Variants in PIEZO2 observed in about 807,000 individuals in gnomAD.
PIEZO2 encodes piezo type mechanosensitive ion channel component 2.
Under a neutral mutation model 337.3 loss-of-function variants are expected in PIEZO2, and 172 were observed. The ratio of observed to expected loss-of-function variants is 0.51; its 90% CI spans 0.45 to 0.58. The LOEUF is 0.58. Among genes scored for constraint, PIEZO2 ranks in the 20% least tolerant of loss-of-function variants. The pLI is 0.00. For missense variants in PIEZO2, 3,028 were observed against 3,391.3 expected (o/e 0.89, Z 2.66); for synonymous variants, 1,251 against 1,228.5 (o/e 1.02, Z -0.38).
rs7504846 is a variant in PIEZO2, at chr18:10,982,073, T to C, written c.161-2413A>G. ...GGGTCAAATTTCAACATGAGACCTG[T>C]TGAGATGTCAAACATCCAAACTGCA... On this transcript the variant is annotated intron_variant, in intron 2 of 55. Coordinates refer to ENST00000674853, the MANE Select transcript of PIEZO2 (RefSeq NM_001378183.1). The surrounding 1 kb of genome is among the most constrained non-coding windows in gnomAD (Gnocchi z 4.1). 1.3e-5 allele frequency among the ~76,000 whole-genome samples: 2 copies of C among 152,162 alleles called. No homozygotes were observed. Among genetic ancestry groups the C allele is most frequent in the Non-Finnish European group, 2.9e-5 (2 of 68,034 alleles).
chr18:10,684,915 C>T (rs555937590), intron 49 of PIEZO2, among the ~76,000 whole-genome samples: 160 of 136,332 alleles, frequency 1.2e-3, no homozygotes, highest in African/African-American at 3.9e-3. Flanking sequence ...CTACCCAGAC[C>T]AGAGTGCGGT....
In PIEZO2 at chr18:10,734,729, A is replaced by T. The variant is rs573125427; in HGVS notation, c.4914+503T>A. On this transcript the variant is annotated intron_variant, in intron 35 of 55. Coordinates refer to ENST00000674853, the MANE Select transcript of PIEZO2 (RefSeq NM_001378183.1). Reference sequence around the variant, plus strand: ...TGGGATTGAGGAGCCCGCAGACTGCACTGGGTGGATCAGCCCAGGAAGAAG... The same window carrying T: ...TGGGATTGAGGAGCCCGCAGACTGCTCTGGGTGGATCAGCCCAGGAAGAAG... Among the ~76,000 whole-genome samples the T allele has an allele frequency of 4.6e-5, 7 of 152,344 alleles. No individual in the cohort carries two copies. The South Asian group carries it at 1.5e-3, about 32-fold the overall frequency.
At position 10,800,390 on chromosome 18, in the gene PIEZO2, G is replaced by A. The variant is rs1486015917; in HGVS notation, c.1325C>T (p.Ala442Val). 16 of 1,536,370 alleles carry A rather than the reference G, an allele frequency of 1.0e-5. No individual in the cohort carries two copies. Among genetic ancestry groups the A allele is most frequent in the Middle Eastern group, 3.3e-4 (2 of 5,984 alleles). ...SLPMENGPGK[A>V]DLYSTPQYRW... Reference sequence around the variant, plus strand: ...GTACTGAGGGGTGGAGTAGAGGTCGGCTTTGCCAGGGCCGTTCTCCATGGG... The same window carrying A: ...GTACTGAGGGGTGGAGTAGAGGTCGACTTTGCCAGGGCCGTTCTCCATGGG... The change falls in exon 11 of 56, where the codon GCC (alanine) becomes GTC (valine). Residue 442 changes from alanine (A) to valine (V), a missense_variant. This residue lies in a region of PIEZO2 where 542 missense variants were observed against 605.6 expected (regional missense o/e 0.89). Transcript: ENST00000674853.
intron 7 of PIEZO2, among the ~76,000 whole-genome samples, chr18:10,812,398 G>A (rs1252449745): frequency 1.3e-5 from 2 of 152,134 alleles, no homozygotes; most frequent in Non-Finnish European, 1.5e-5. Flanking sequence ...TGGGAGGAGG[G>A]CGAGGATGTA....
intron 36 of PIEZO2, among the ~76,000 whole-genome samples, chr18:10,728,877 C>G (rs1485507212): frequency 1.3e-5 from 2 of 150,570 alleles, no homozygotes; most frequent in African/African-American, 4.9e-5. Context: ...ATGGTGTGAA[C>G]CCGGCAGGCA....
chr18:10,805,260 TC>T (rs899281048), intron 8 of PIEZO2, among the ~76,000 whole-genome samples: 2 of 152,248 alleles, frequency 1.3e-5, no homozygotes, highest in Non-Finnish European at 2.9e-5. Context: ...ATGCCTGTAA[TC>T]CCAGCACTCT....
chr18:10,782,309 TTA>T lies in PIEZO2; in HGVS notation c.2493-1945_2493-1944del, dbSNP rs1279737879. Among the ~76,000 whole-genome samples, 19 of 84,372 alleles carry T rather than the reference TTA, an allele frequency of 2.3e-4. No individual in the cohort carries two copies. The East Asian group carries it at 3.6e-3, about 16-fold the overall frequency. The allele number at this position is 84,372 out of a possible 152,430, so 55.4% of individuals were successfully genotyped here. On this transcript the variant is annotated intron_variant, in intron 17 of 55. Transcript: ENST00000674853. ...TATAATTATAATTATATATAAATAA[TTA>T]TATAATATATTATAATTATATATAA...
intron 15 of PIEZO2, among the ~76,000 whole-genome samples, chr18:10,788,126 G>C (rs745778466): frequency 6.6e-6 from 1 of 152,116 alleles, no homozygotes; most frequent in Non-Finnish European, 1.5e-5. Flanking sequence ...TACAGGCCAG[G>C]TGCGGTGGCT....
At position 11,144,782 on chromosome 18, in the gene PIEZO2, G is replaced by A. The variant is rs574931930; in HGVS notation, c.64+3743C>T. 3.9e-5 allele frequency among the ~76,000 whole-genome samples: 6 copies of A among 152,184 alleles called. No individual in the cohort carries two copies. In the East Asian group the frequency reaches 5.8e-4, roughly 15 times the overall value. On this transcript the variant is annotated intron_variant, in intron 1 of 55. Transcript: ENST00000674853. ...GCTCTGATTGCCTGTTTTAGGGGAC[G>A]GGCAGCCATGATCTCTAATCCCCTG...
intron 39 of PIEZO2, 41 bp from the exon 40 acceptor site, chr18:10,708,480 C>T (rs2035678638): frequency 6.6e-6 from 1 of 152,624 alleles, no homozygotes; most frequent in Admixed American, 6.5e-5. Flanking sequence ...TGTTAAAACA[C>T]CAAGTTGTAC....
intron 2 of PIEZO2, among the ~76,000 whole-genome samples, chr18:11,014,240 C>T (rs2036004033): frequency 6.7e-6 from 1 of 149,982 alleles, no homozygotes; most frequent in Non-Finnish European, 1.5e-5. Context: ...CAGTGGGGAA[C>T]ATGTCACCCT....
At position 10,752,852 on chromosome 18, in the gene PIEZO2, G is replaced by C; in HGVS notation, c.3951C>G (p.Ile1317Met). The C allele has an allele frequency of 2.6e-6, 4 of 1,536,994 alleles. No individual in the cohort carries two copies. In the South Asian group the frequency reaches 3.6e-5, roughly 14 times the overall value. ...CRSYLDMSKV[I>M]IFSYLFWFVL... ...CAAACCAGAAGAGGTAGCTGAAGATGATCACTTTGGACATGTCTAAGTAAG... is the reference window on the plus strand; with the variant it reads ...CAAACCAGAAGAGGTAGCTGAAGATCATCACTTTGGACATGTCTAAGTAAG... Residue 1317 changes from isoleucine to methionine, a missense_variant, in exon 28 of 56, where the codon ATC becomes ATG. Ile to Met is a conservative substitution (Grantham distance 10). Coordinates refer to ENST00000674853, the MANE Select transcript of PIEZO2 (RefSeq NM_001378183.1).
rs1470353377 is a variant in PIEZO2, at chr18:11,016,450, G to A, written c.161-36790C>T. 2.0e-5 allele frequency among the ~76,000 whole-genome samples: 3 copies of A among 152,222 alleles called. No homozygotes were observed. Among genetic ancestry groups the A allele is most frequent in the Admixed American group, 6.5e-5 (1 of 15,280 alleles). On this transcript the variant is annotated intron_variant, in intron 2 of 55. Coordinates refer to ENST00000674853, the MANE Select transcript of PIEZO2 (RefSeq NM_001378183.1). This position sits in a 1 kb window ranked among gnomAD's most constrained non-coding sequence, Gnocchi z 5.6. Reference sequence around the variant, plus strand: ...GACAATTCCCTTCAGGGGCCCCAGAGAGAAAGTGAACCCCTAGGAACCCCC... The same window carrying A: ...GACAATTCCCTTCAGGGGCCCCAGAAAGAAAGTGAACCCCTAGGAACCCCC...
intron 1 of PIEZO2, among the ~76,000 whole-genome samples, chr18:11,141,855 A>G (rs8089343): frequency 0.84 from 128,066 of 152,194 alleles, 54,288 homozygotes; most frequent in African/African-American, 0.95. Context: ...AGCAGTGAAG[A>G]TCTCAGCAGA....
intron 3 of PIEZO2, among the ~76,000 whole-genome samples, chr18:10,912,327 G>A (rs1210628997): frequency 2.0e-5 from 3 of 152,176 alleles, no homozygotes; most frequent in Middle Eastern, 3.4e-3. Context: ...GTGCTAACCC[G>A]TGCCATTTGT....
chr18:10,762,370 AG>A, intron 23 of PIEZO2, 129 bp downstream of exon 23: 1 of 1,167,946 alleles, frequency 8.6e-7, no homozygotes, highest in Non-Finnish European at 1.2e-6. Context: ...TTTGTTGCAA[AG>A]GTGATGCCAA....
chr18:10,905,668 G>A (rs543507647), intron 4 of PIEZO2, among the ~76,000 whole-genome samples: 42 of 151,824 alleles, frequency 2.8e-4, no homozygotes, highest in African/African-American at 1.0e-3. Flanking sequence ...GCCCATGGCA[G>A]TGTGGTGCCT....
In PIEZO2 at chr18:10,777,733, G is replaced by A. The variant is rs140784798; in HGVS notation, c.2534+2592C>T. On this transcript the variant is annotated intron_variant, in intron 18 of 55. Coordinates refer to ENST00000674853, the MANE Select transcript of PIEZO2 (RefSeq NM_001378183.1). ...AATATGTGGTAATATAAACTGCACT[G>A]ACACTGTTATCATTAGACTATTAGC... is the stretch of plus-strand genomic sequence containing the variant. 4.7e-3 allele frequency among the ~76,000 whole-genome samples: 717 copies of A among 152,296 alleles called. 5 individuals are homozygous for A. Among genetic ancestry groups the A allele is most frequent in the African/African-American group, 0.016 (678 of 41,548 alleles).
intron 16 of PIEZO2, among the ~76,000 whole-genome samples, chr18:10,785,709 G>T (rs1359046564): frequency 1.3e-5 from 2 of 151,742 alleles, no homozygotes; most frequent in Non-Finnish European, 2.9e-5. Flanking sequence ...CTCTTGAATT[G>T]CCCACTCCTG....
Sources: allele counts gnomAD v4.1 joint callset (sites outside exome capture counted in the v4.1 genomes callset), GRCh38; gene constraint gnomAD v4.1.1; regional missense constraint gnomAD v4.1.1; non-coding constraint Gnocchi (gnomAD v3.1); transcripts MANE v1.5; gene names NCBI Gene and HGNC (gene_info 2026-07-23, HGNC 2026-07-21).